The following STIP1 variants were observed in gnomAD, a reference collection of about 807,000 sequenced individuals.
STIP1 encodes the protein stress-induced-phosphoprotein 1.
In STIP1, 16 loss-of-function variants were observed where a neutral mutation model predicts 77.4. That is an observed-to-expected ratio of 0.21 (90% CI 0.14 to 0.31). The LOEUF is 0.31. Ranked by LOEUF, STIP1 falls within the 10% of genes least tolerant of loss-of-function variation. The probability of loss-of-function intolerance (pLI) is 1.00; values close to 1 mark genes in which losing one functional copy is unlikely to be tolerated. For synonymous variants in STIP1, 258 were observed against 246.6 expected (o/e 1.05, Z -0.44); for missense variants, 524 against 684.8 (o/e 0.77, Z 2.62).
At chr11:64,191,539 G>C (rs1415092980) in intron 1 of STIP1, among the ~76,000 whole-genome samples, 1 of 152,170 alleles carries the variant, frequency 6.6e-6, no homozygotes, top group Non-Finnish European at 1.5e-5. Flanking sequence ...CTAGGAGGCG[G>C]AGGTTGCCGT....
chr11:64,187,695 T>C (rs1010508256), intron 1 of STIP1, among the ~76,000 whole-genome samples: 2 of 152,184 alleles, frequency 1.3e-5, no homozygotes, highest in African/African-American at 2.4e-5. Flanking sequence ...AAGACGTTGC[T>C]CTTTTACCTT....
chr11:64,185,897 G>A (rs920899498), upstream of STIP1: 1 of 1,536,160 alleles, frequency 6.5e-7, no homozygotes, highest in Non-Finnish European at 8.7e-7. Flanking sequence ...CGGCCAGCGC[G>A]GCTACGATTG....
At chr11:64,198,922 G>A (rs543985270) in intron 8 of STIP1, among the ~76,000 whole-genome samples, 7 of 148,930 alleles carry the variant, frequency 4.7e-5, no homozygotes, top group African/African-American at 7.4e-5. Flanking sequence ...AGCAATAGCC[G>A]GGTGCAGTGG....
chr11:64,189,421 G>C (rs996019586), intron 1 of STIP1, among the ~76,000 whole-genome samples: 2 of 152,164 alleles, frequency 1.3e-5, no homozygotes, highest in African/African-American at 4.8e-5. Context: ...CAGCTACGTG[G>C]GAGGCTGAGG....
Position 64,186,232 on chromosome 11 carries a change from A to AT in STIP1, c.-28dup, listed in dbSNP as rs1381353971. 1 of 1,537,656 alleles carries AT rather than the reference A, an allele frequency of 6.5e-7. No individual in the cohort carries two copies. Among genetic ancestry groups the AT allele is most frequent in the Admixed American group, 2.0e-5 (1 of 50,350 alleles). On this transcript the variant is annotated 5_prime_UTR_variant, in exon 1 of 14. Transcript: ENST00000305218. The stretch of plus-strand genomic sequence containing the variant: ...TGGGAACGCGGAGCGGACGGATTCG[A>AT]TTCAACGGGGTTCCGGACCGCGCTG...
intron 1 of STIP1, among the ~76,000 whole-genome samples, chr11:64,189,673 T>C (rs1378582975): frequency 6.6e-6 from 1 of 152,204 alleles, no homozygotes; most frequent in Non-Finnish European, 1.5e-5. Context: ...TATTTACTGT[T>C]ATGTGCACTG....
At chr11:64,196,215 G>A (rs1946148431) in intron 5 of STIP1, among the ~76,000 whole-genome samples, 1 of 151,814 alleles carries the variant, frequency 6.6e-6, no homozygotes, top group African/African-American at 2.4e-5. Context: ...GGCCAACATG[G>A]TGAAACCTCA....
chr11:64,203,008 G>A (rs1483004022), intron 11 of STIP1, 96 bp downstream of exon 11: 1 of 1,601,758 alleles, frequency 6.2e-7, no homozygotes, highest in Non-Finnish European at 8.6e-7. Flanking sequence ...CTTGGGACCT[G>A]TAGGATTTAG....
chr11:64,195,957 GTCTT>G (rs1946145740), intron 5 of STIP1, 144 bp downstream of exon 5: 5 of 1,209,052 alleles, frequency 4.1e-6, no homozygotes, highest in Non-Finnish European at 5.8e-6. Flanking sequence ...TCCCAGGTTG[GTCTT>G]GAACTTCTGG....
At chr11:64,186,151 G>A, upstream of STIP1, 1 of 1,550,862 alleles carries the variant, frequency 6.4e-7, no homozygotes, top group Admixed American at 2.0e-5. Context: ...CGAGGAAGGG[G>A]CGGGAGCCGG....
At chr11:64,185,754 A>G (rs1027485710), upstream of STIP1, 23 of 1,518,672 alleles carry the variant, frequency 1.5e-5, no homozygotes, top group African/African-American at 6.9e-5. Flanking sequence ...AGCGATTTAA[A>G]CCAATCAGCG....
intron 10 of STIP1, among the ~76,000 whole-genome samples, chr11:64,200,643 GTATC>G (rs755090829): frequency 2.1e-4 from 32 of 150,772 alleles, no homozygotes; most frequent in East Asian, 1.2e-3. Flanking sequence ...TATGGGACCT[GTATC>G]TATCTAACTG....
chr11:64,197,436 GTC>G, intron 6 of STIP1, 39 bp downstream of exon 6: 2 of 1,614,136 alleles, frequency 1.2e-6, no homozygotes, highest in East Asian at 2.2e-5. Flanking sequence ...ATTGTTGGGT[GTC>G]TCTGAGGGAG....
At chr11:64,187,663 G>A (rs1946040254) in intron 1 of STIP1, among the ~76,000 whole-genome samples, 1 of 152,154 alleles carries the variant, frequency 6.6e-6, no homozygotes, top group Non-Finnish European at 1.5e-5. Flanking sequence ...TGTAGTATAG[G>A]TGAGGAAAAG....
chr11:64,198,113 C>G lies in STIP1; in HGVS notation c.1023+139C>G, dbSNP rs1481610374. On this transcript the variant is annotated intron_variant, in intron 8 of 13. Transcript: ENST00000305218. ...TCACTCTTTCACCCAGGCTGAAAGA[C>G]AGTGGCACAATCGTGGCTCACTGCA... 3 of 1,246,208 alleles carry G rather than the reference C, an allele frequency of 2.4e-6. No homozygotes were observed. The East Asian group carries it at 7.8e-5, about 32-fold the overall frequency. The allele number at this position is 1,246,208 out of a possible 1,614,324, so 77.2% of individuals were successfully genotyped here.
At chr11:64,200,519 C>G (rs568767522) in intron 10 of STIP1, among the ~76,000 whole-genome samples, 20 of 150,812 alleles carry the variant, frequency 1.3e-4, no homozygotes, top group African/African-American at 4.6e-4. Context: ...GCTGTGTTGC[C>G]CAGATTTATA....
At chr11:64,186,160 G>A (rs1946011561), upstream of STIP1, 1 of 1,550,748 alleles carries the variant, frequency 6.4e-7, no homozygotes, top group Non-Finnish European at 8.7e-7. Context: ...GGCGGGAGCC[G>A]GGGTCCCGGT....
At chr11:64,190,960 G>A (rs1182782685) in intron 1 of STIP1, among the ~76,000 whole-genome samples, 1 of 152,114 alleles carries the variant, frequency 6.6e-6, no homozygotes, top group Non-Finnish European at 1.5e-5. Context: ...GGCCAAGGCA[G>A]GCAGATCACC....
chr11:64,192,927 G>A, intron 1 of STIP1, 151 bp from the exon 2 acceptor site: 1 of 787,450 alleles, frequency 1.3e-6, no homozygotes, highest in South Asian at 1.8e-5. Flanking sequence ...GAAGGTGTGA[G>A]AAATTAAATA....
Sources: allele counts gnomAD v4.1 joint callset (sites outside exome capture counted in the v4.1 genomes callset), GRCh38; gene constraint gnomAD v4.1.1; transcripts MANE v1.5; gene names NCBI Gene and HGNC (gene_info 2026-07-23, HGNC 2026-07-21).